BMPER: variants seen among roughly 807,000 people sequenced by gnomAD.
BMPER encodes BMP binding endothelial regulator.
Under a neutral mutation model 87.3 loss-of-function variants are expected in BMPER, and 45 were observed. That is an observed-to-expected ratio of 0.52 (90% CI 0.41 to 0.66). BMPER has a LOEUF of 0.66. Ranked by LOEUF, BMPER falls within the 30% of genes least tolerant of loss-of-function variation. The probability of loss-of-function intolerance (pLI) is 0.00; values close to 1 mark genes in which losing one functional copy is unlikely to be tolerated. For missense variants in BMPER, 784 were observed against 867.5 expected (o/e 0.90, Z 1.21); for synonymous variants, 326 against 316.2 (o/e 1.03, Z -0.33).
chr7:34,085,673 G>C (rs1789179379), intron 12 of BMPER, 83 bp from the exon 13 acceptor site: 7 of 1,298,966 alleles, frequency 5.4e-6, no homozygotes, highest in East Asian at 5.0e-5. Context: ...TCAGTCATAT[G>C]TTCTGTGTAA....
chr7:33,920,872 G>A (rs749862657), intron 2 of BMPER, among the ~76,000 whole-genome samples: 12 of 152,138 alleles, frequency 7.9e-5, no homozygotes, highest in Non-Finnish European at 1.6e-4. Context: ...ATCTTGGTTA[G>A]GTACAGTTGA....
intron 3 of BMPER, among the ~76,000 whole-genome samples, chr7:33,961,119 C>A (rs1298030723): frequency 6.6e-6 from 1 of 152,108 alleles, no homozygotes; most frequent in Non-Finnish European, 1.5e-5. Context: ...TGTGCAAAAT[C>A]GCAGGTTGAG....
chr7:33,940,025 A>G (rs76703399), intron 3 of BMPER: 3,389 of 255,208 alleles, frequency 0.013, 114 homozygotes, highest in East Asian at 0.12. Context: ...TATTTTGGTG[A>G]GTTTTTTTTT....
chr7:34,104,092 T>C (rs1420028949), intron 13 of BMPER, among the ~76,000 whole-genome samples: 1 of 152,272 alleles, frequency 6.6e-6, no homozygotes, highest in Non-Finnish European at 1.5e-5. Flanking sequence ...CCTTTGTTTA[T>C]GTCTTTCATC....
intron 6 of BMPER, among the ~76,000 whole-genome samples, chr7:33,990,237 C>T (rs1185156628): frequency 7.0e-6 from 1 of 142,990 alleles, no homozygotes; most frequent in Non-Finnish European, 1.5e-5. Context: ...ATTGATTCTT[C>T]CTTCCCATGA....
At chr7:34,091,537 G>A (rs1256367874) in intron 13 of BMPER, among the ~76,000 whole-genome samples, 5 of 152,212 alleles carry the variant, frequency 3.3e-5, no homozygotes, top group Non-Finnish European at 7.3e-5. Context: ...CACCGCAGTT[G>A]TAGCACTTAT....
intron 6 of BMPER, among the ~76,000 whole-genome samples, chr7:33,993,761 T>G (rs1459562798): frequency 2.6e-5 from 4 of 152,340 alleles, no homozygotes; most frequent in African/African-American, 9.6e-5. Context: ...TTATCTACTT[T>G]TGGTCTTTGA....
intron 3 of BMPER, among the ~76,000 whole-genome samples, chr7:33,949,458 G>A (rs952799041): frequency 1.3e-5 from 2 of 152,104 alleles, no homozygotes; most frequent in Non-Finnish European, 2.9e-5. Context: ...CTTTGTGTGT[G>A]TGTGTTTCAT....
Position 33,970,380 on chromosome 7 carries a change from C to T in BMPER, c.454C>T (p.Pro152Ser), listed in dbSNP as rs760753482. 1.4e-5 allele frequency: 22 copies of T among 1,613,972 alleles called. No individual in the cohort carries two copies. The highest frequency in any genetic ancestry group is 5.0e-5 in the Admixed American group (3 of 59,992). The change falls in exon 5 of 15, where the codon CCT becomes TCT. Residue 152 changes from proline to serine, a missense_variant. By Grantham distance (74) the Pro-to-Ser change is moderately conservative (BLOSUM62 -1). Transcript: ENST00000649409. ...GVRCVVHCKN[P>S]LEHLGMCCPT... is the part of the protein sequence containing the mutation. ...GCGCTGTGTTGTTCATTGTAAAAAC[C>T]CTTTGGAGCATCTGGGAATGTGCTG...
At chr7:34,024,383 CAATATATATA>C (rs1787292229) in intron 6 of BMPER, among the ~76,000 whole-genome samples, 6 of 7,252 alleles carry the variant, frequency 8.3e-4, no homozygotes, top group South Asian at 6.2e-3. Flanking sequence ...AAAAAAAAAA[CAATATATATA>C]TATATATATA....
chr7:34,103,436 G>C (rs1346895402), intron 13 of BMPER, among the ~76,000 whole-genome samples: 1 of 152,106 alleles, frequency 6.6e-6, no homozygotes, highest in Non-Finnish European at 1.5e-5. Flanking sequence ...CAGGGGGAGC[G>C]ATACATTACC....
intron 6 of BMPER, among the ~76,000 whole-genome samples, chr7:33,997,442 G>T (rs1786444140): frequency 6.6e-6 from 1 of 152,144 alleles, no homozygotes; most frequent in Non-Finnish European, 1.5e-5. Flanking sequence ...GTGATAGTGA[G>T]TTCTTACAAG....
chr7:34,119,047 A>G (rs558166362), intron 13 of BMPER, among the ~76,000 whole-genome samples: 66 of 35,718 alleles, frequency 1.8e-3, no homozygotes, highest in Non-Finnish European at 7.3e-5. Context: ...CGCACTCGAT[A>G]CGATGACACA....
intron 6 of BMPER, among the ~76,000 whole-genome samples, chr7:33,988,149 G>C (rs115994355): frequency 0.015 from 2,334 of 152,046 alleles, 69 homozygotes; most frequent in African/African-American, 0.054. Context: ...CAAGTGTTTA[G>C]TGTCCTTTCA....
intron 8 of BMPER, among the ~76,000 whole-genome samples, chr7:34,054,157 A>G (rs1467321606): frequency 6.6e-6 from 1 of 152,124 alleles, no homozygotes; most frequent in Admixed American, 6.5e-5. Flanking sequence ...CCCTTCTTAC[A>G]TTGCGAAGAA....
intron 1 of BMPER, 57 bp from the exon 2 acceptor site, chr7:33,906,761 T>C (rs374728320): frequency 6.0e-6 from 9 of 1,497,100 alleles, no homozygotes; most frequent in South Asian, 1.1e-5. Context: ...TTTTAAATGT[T>C]GAAATCATGC....
At position 34,154,043 on chromosome 7, in the gene BMPER, T is replaced by C. The variant is rs1384117241; in HGVS notation, c.*770T>C. ...GAAATTAAAGGGTGTCTGGATGCCA[T>C]GTTAATTTTATTGAGCATGAGAAAG... On this transcript the variant is annotated 3_prime_UTR_variant, in exon 15 of 15. Coordinates refer to ENST00000649409, the MANE Select transcript of BMPER (RefSeq NM_001365308.1). 1.3e-5 allele frequency: 2 copies of C among 152,656 alleles called. No individual in the cohort carries two copies. The highest frequency in any genetic ancestry group is 6.5e-5 in the Admixed American group (1 of 15,288). The allele number at this position is 152,656 out of a possible 1,614,324, so 9.5% of individuals were successfully genotyped here. A position where few individuals can be genotyped will look rare whatever the true frequency, so the allele number is the denominator to read the frequency against.
In BMPER at chr7:34,082,730, T is replaced by A. The variant is rs548787507; in HGVS notation, c.1409-3026T>A. ...CACTGTGAGTTGAATTCCCATGAAC[T>A]CAGTTGCCCCAAGTCTCAAATTTAG... On this transcript the variant is annotated intron_variant, in intron 12 of 14. Coordinates refer to ENST00000649409, the MANE Select transcript of BMPER (RefSeq NM_001365308.1). 3.3e-5 allele frequency among the ~76,000 whole-genome samples: 5 copies of A among 152,308 alleles called. 1 individual carries two copies. The highest frequency in any genetic ancestry group is 3.4e-3 in the Middle Eastern group (1 of 292).
chr7:33,970,600 A>G (rs987115097), intron 5 of BMPER, among the ~76,000 whole-genome samples, 181 bp downstream of exon 5: 8 of 152,112 alleles, frequency 5.3e-5, no homozygotes, highest in African/African-American at 1.9e-4. Context: ...CCCAGCATGA[A>G]TGCAATGTGC....
Sources: allele counts gnomAD v4.1 joint callset (sites outside exome capture counted in the v4.1 genomes callset), GRCh38; gene constraint gnomAD v4.1.1; transcripts MANE v1.5; gene names NCBI Gene and HGNC (gene_info 2026-07-23, HGNC 2026-07-21).